Variants in KMT2C observed in about 807,000 individuals in gnomAD.
The protein encoded by KMT2C is lysine methyltransferase 2C.
Under a neutral mutation model 507.9 loss-of-function variants are expected in KMT2C, and 88 were observed. The observed-to-expected ratio is 0.17, with a 90% CI of 0.15 to 0.21. KMT2C has a LOEUF of 0.21. KMT2C is among the 10% of genes least tolerant of loss of function. The pLI is 1.00. For synonymous variants in KMT2C, 2,049 were observed against 2,080.8 expected, an observed-to-expected ratio of 0.98 and a Z score of 0.42; for missense variants, 4,954 against 5,957.8, an observed-to-expected ratio of 0.83 and a Z score of 5.55.
At chr7:152,153,134 CA>C (rs935784076) in intron 48 of KMT2C, among the ~76,000 whole-genome samples, 180 bp from the exon 49 acceptor site, 1 of 150,874 alleles carries the variant, frequency 6.6e-6, no homozygotes, top group Non-Finnish European at 1.5e-5. Flanking sequence ...AACTAATATC[CA>C]AAAAAAGAAA....
intron 48 of KMT2C, among the ~76,000 whole-genome samples, 190 bp downstream of exon 48, chr7:152,153,820 G>A (rs1207458087): frequency 6.6e-6 from 1 of 152,068 alleles, no homozygotes; most frequent in Non-Finnish European, 1.5e-5. Flanking sequence ...CTTGACGTAG[G>A]CTGAGACCAA....
chr7:152,385,439 C>T (rs1348519597), intron 1 of KMT2C, among the ~76,000 whole-genome samples: 6 of 133,312 alleles, frequency 4.5e-5, no homozygotes, highest in Admixed American at 3.6e-4. Context: ...GGTGAAACCC[C>T]GTCTCTACTA....
intron 1 of KMT2C, among the ~76,000 whole-genome samples, chr7:152,424,807 G>A (rs1177551023): frequency 6.6e-6 from 1 of 152,144 alleles, no homozygotes. Context: ...AGGACACTGA[G>A]ATAGTTAAGC....
At chr7:152,263,718 T>C (rs2095817853) in intron 8 of KMT2C, among the ~76,000 whole-genome samples, 1 of 152,232 alleles carries the variant, frequency 6.6e-6, no homozygotes, top group South Asian at 2.1e-4. Context: ...TGAATAATTA[T>C]TTCAAAATAC....
chr7:152,290,218 ATATGTGTGTGTG>A (rs2096387713), intron 6 of KMT2C, among the ~76,000 whole-genome samples: 2 of 108,744 alleles, frequency 1.8e-5, no homozygotes, highest in African/African-American at 8.5e-5. Context: ...TTTTATATAT[ATATGTGTGTGTG>A]TGTGTGTGTG....
chr7:152,252,130 C>A (rs1274272223), intron 10 of KMT2C, 40 bp from the exon 11 acceptor site: 2 of 1,456,016 alleles, frequency 1.4e-6, no homozygotes, highest in South Asian at 2.7e-5. Context: ...TTTCTAACAT[C>A]GAGTTATTAT....
At chr7:152,153,013 G>GA in intron 48 of KMT2C, 59 bp from the exon 49 acceptor site, 1 of 1,581,104 alleles carries the variant, frequency 6.3e-7, no homozygotes, top group Non-Finnish European at 8.7e-7. Context: ...AACCACTGAA[G>GA]AAAAATACAC....
intron 23 of KMT2C, among the ~76,000 whole-genome samples, chr7:152,208,585 C>T (rs1221257768): frequency 6.6e-6 from 1 of 152,118 alleles, no homozygotes; most frequent in Non-Finnish European, 1.5e-5. Flanking sequence ...AAATGGAATG[C>T]TTAGAGAATG....
At position 152,315,032 on chromosome 7, in the gene KMT2C, A is replaced by C. The variant is rs962976957; in HGVS notation, c.590+106T>G. ...CCCATAAATGTGGAGAACAGGAGAA[A>C]CTGTTCAACAAGAACAATCCCATTT... On this transcript the variant is annotated intron_variant, in intron 4 of 58. Coordinates refer to ENST00000262189, the MANE Select transcript of KMT2C (RefSeq NM_170606.3). 3 of 927,760 alleles carry C rather than the reference A, an allele frequency of 3.2e-6. No individual in the cohort carries two copies. In the African/African-American group the frequency reaches 5.0e-5, roughly 15 times the overall value. 57.5% of individuals were successfully genotyped at this position (927,760 alleles called of 1,614,324 possible).
intron 46 of KMT2C, among the ~76,000 whole-genome samples, chr7:152,155,469 A>C (rs1450743700): frequency 6.6e-6 from 1 of 152,208 alleles, no homozygotes; most frequent in Admixed American, 6.5e-5. Context: ...AACCCCAGAC[A>C]GTTCTTAAAC....
rs761433130 is a variant in KMT2C, at chr7:152,146,727, C to T, written c.13903G>A (p.Asp4635Asn). 1 of 1,613,752 alleles carries T rather than the reference C, an allele frequency of 6.2e-7. No homozygotes were observed. Among genetic ancestry groups the T allele is most frequent in the East Asian group, 2.2e-5 (1 of 44,882 alleles). The stretch of plus-strand genomic sequence containing the variant: ...CATGCCACAGGCTCCAAAATCTTAT[C>T]CCAGACACCTACACAGGGACAAAAA... Reference protein sequence around the residue: ...LSDISPKGVWDKILEPVACVR... With the variant: ...LSDISPKGVWNKILEPVACVR... Residue 4635 changes from aspartate to asparagine, a missense_variant, in exon 53 of 59, where the codon GAT becomes AAT. By Grantham distance (23) the Asp-to-Asn change is conservative (BLOSUM62 1). Transcript: ENST00000262189.
At chr7:152,257,052 A>G (rs1384874936) in intron 9 of KMT2C, among the ~76,000 whole-genome samples, 1 of 152,220 alleles carries the variant, frequency 6.6e-6, no homozygotes, top group East Asian at 1.9e-4. Flanking sequence ...ACACATGCAC[A>G]AAGCTAGGGA....
At chr7:152,371,161 A>G (rs924562096) in intron 1 of KMT2C, among the ~76,000 whole-genome samples, 23 of 152,244 alleles carry the variant, frequency 1.5e-4, no homozygotes, top group African/African-American at 5.5e-4. Context: ...ATAAATGTAA[A>G]GAGACAAAAG....
At chr7:152,157,788 C>A in intron 44 of KMT2C, 1 of 1,305,434 alleles carries the variant, frequency 7.7e-7, no homozygotes, top group South Asian at 1.3e-5. Context: ...AATAGTAGTC[C>A]GAAACCCCTT....
chr7:152,250,624 C>T (rs757606561), intron 12 of KMT2C, among the ~76,000 whole-genome samples: 7 of 152,144 alleles, frequency 4.6e-5, no homozygotes, highest in Admixed American at 1.3e-4. Flanking sequence ...AATAGAAAAT[C>T]ACTTGGTCCC....
intron 1 of KMT2C, among the ~76,000 whole-genome samples, chr7:152,385,825 T>C (rs548696694): frequency 1.5e-4 from 23 of 150,960 alleles, no homozygotes; most frequent in Non-Finnish European, 8.9e-5. Context: ...CAGTGGCTCA[T>C]GCCTGTAATC....
At chr7:152,304,353 A>AAT (rs2129195331) in intron 6 of KMT2C, among the ~76,000 whole-genome samples, 1 of 152,334 alleles carries the variant, frequency 6.6e-6, no homozygotes, top group East Asian at 1.9e-4. Flanking sequence ...CTCTAATAAA[A>AAT]ATATTGAATG....
At chr7:152,226,530 C>A (rs2094939747) in intron 18 of KMT2C, among the ~76,000 whole-genome samples, 1 of 152,018 alleles carries the variant, frequency 6.6e-6, no homozygotes, top group Non-Finnish European at 1.5e-5. Context: ...CCACACCCAG[C>A]CCATTACAAG....
chr7:152,246,877 C>A (rs1158971402), intron 14 of KMT2C, among the ~76,000 whole-genome samples: 1 of 152,048 alleles, frequency 6.6e-6, no homozygotes, highest in African/African-American at 2.4e-5. Flanking sequence ...CTTTCCCTTT[C>A]GTGTACCTTG....
Sources: gnomAD v4.1 joint callset for allele counts (sites outside exome capture counted in the v4.1 genomes callset) on GRCh38, gnomAD v4.1.1 for gene constraint, MANE v1.5 for transcripts, NCBI Gene and HGNC (gene_info 2026-07-23, HGNC 2026-07-21) for gene names.